TMEM232: variants seen among roughly 807,000 people sequenced by gnomAD.
TMEM232 encodes transmembrane protein 232.
TMEM232 carries 80 observed loss-of-function variants against 78.8 expected under a neutral mutation model. The observed-to-expected ratio is 1.01, with a 90% CI of 0.85 to 1.22. The LOEUF is 1.22. Ranked by LOEUF, TMEM232 falls within the 50% of genes most tolerant of loss-of-function variation. The pLI, the probability that TMEM232 is intolerant of heterozygous loss-of-function variation, is 0.00. For missense variants in TMEM232, 881 were observed against 742.2 expected (o/e 1.19, Z -2.17); for synonymous variants, 297 against 254.3 (o/e 1.17, Z -1.60).
At chr5:110,686,609 A>G (rs1009162409) in intron 1 of TMEM232, among the ~76,000 whole-genome samples, 2 of 152,156 alleles carry the variant, frequency 1.3e-5, no homozygotes, top group Admixed American at 1.3e-4. Flanking sequence ...ATAGATAACC[A>G]GAACCCTTAT....
chr5:110,409,079 A>G (rs1012024447), intron 2 of TMEM232, among the ~76,000 whole-genome samples: 7 of 152,218 alleles, frequency 4.6e-5, no homozygotes, highest in Admixed American at 4.6e-4. Context: ...AACATGTTAC[A>G]CAGCTTCATC....
intron 11 of TMEM232, 104 bp from the exon 12 acceptor site, chr5:110,528,939 A>C: frequency 4.8e-6 from 5 of 1,044,410 alleles, no homozygotes; most frequent in Non-Finnish European, 6.1e-6. Flanking sequence ...TTCTTTGACT[A>C]ATATTGCATT....
At position 110,502,345 on chromosome 5, in the gene TMEM232, C is replaced by T. The variant is rs1470179663; in HGVS notation, c.1703+26243G>A. Among the ~76,000 whole-genome samples the T allele has an allele frequency of 3.3e-5, 5 of 152,184 alleles. No homozygotes were observed. The East Asian group carries it at 7.7e-4, about 23-fold the overall frequency. ...AAGATGCAAACTGAAATTTCAGTCA[C>T]CGAGTGGGAAGGACAAATTTTTCAG... is the stretch of plus-strand genomic sequence containing the variant. On this transcript the variant is annotated intron_variant, in intron 12 of 13. Coordinates refer to ENST00000455884, the MANE Select transcript of TMEM232 (RefSeq NM_001039763.4).
At chr5:110,707,574 G>A (rs1022321342) in intron 1 of TMEM232, among the ~76,000 whole-genome samples, 28 of 152,200 alleles carry the variant, frequency 1.8e-4, no homozygotes, top group Non-Finnish European at 1.0e-4. Context: ...AACTTGAAAG[G>A]TAGTCATGGA....
At position 110,667,937 on chromosome 5, in the gene TMEM232, C is replaced by T. The variant is rs940534323; in HGVS notation, c.-12-573G>A. ...GCCCAGAATGTTTTTCCTTTTGATT[C>T]ATATCTGAGTATATTCTATGAGTGT... On this transcript the variant is annotated intron_variant, in intron 1 of 13. Transcript: ENST00000455884. 3.2e-4 allele frequency among the ~76,000 whole-genome samples: 49 copies of T among 152,056 alleles called. 1 individual carries two copies. Among genetic ancestry groups the T allele is most frequent in the African/African-American group, 1.1e-3 (47 of 41,498 alleles).
intron 12 of TMEM232, among the ~76,000 whole-genome samples, chr5:110,485,370 G>A (rs746131926): frequency 2.6e-5 from 4 of 152,070 alleles, no homozygotes; most frequent in Admixed American, 2.6e-4. Context: ...TGAGTAAGTT[G>A]GTGATTTGTG....
At chr5:110,603,233 G>T (rs753059204) in intron 10 of TMEM232, among the ~76,000 whole-genome samples, 4 of 151,928 alleles carry the variant, frequency 2.6e-5, no homozygotes, top group Admixed American at 6.6e-5. Flanking sequence ...AACCACCACG[G>T]CACATGTATA....
intron 12 of TMEM232, among the ~76,000 whole-genome samples, chr5:110,449,796 T>C (rs568424284): frequency 2.2e-4 from 34 of 152,294 alleles, no homozygotes; most frequent in African/African-American, 7.7e-4. Context: ...TAGAATCTAA[T>C]GGCTTCTTCT....
At chr5:110,634,563 A>G (rs1431543408) in intron 5 of TMEM232, among the ~76,000 whole-genome samples, 2 of 152,150 alleles carry the variant, frequency 1.3e-5, no homozygotes, top group African/African-American at 4.8e-5. Context: ...CTATAAAAAT[A>G]CATGGAAATT....
At chr5:110,576,835 CA>C (rs1162020687) in intron 10 of TMEM232, among the ~76,000 whole-genome samples, 4 of 151,930 alleles carry the variant, frequency 2.6e-5, no homozygotes, top group African/African-American at 9.7e-5. Flanking sequence ...TAGCCACATG[CA>C]GGAGATTGAA....
At chr5:110,439,692 G>C (rs1452155327) in intron 12 of TMEM232, among the ~76,000 whole-genome samples, 1 of 151,974 alleles carries the variant, frequency 6.6e-6, no homozygotes, top group Non-Finnish European at 1.5e-5. Flanking sequence ...GACTGGCAAA[G>C]CAACTAAGAA....
intron 12 of TMEM232, among the ~76,000 whole-genome samples, chr5:110,516,395 C>A (rs868060519): frequency 6.6e-6 from 1 of 152,254 alleles, no homozygotes; most frequent in Non-Finnish European, 1.5e-5. Context: ...TGAGAAACCT[C>A]AGAAGTAACA....
chr5:110,545,105 T>C lies in TMEM232; in HGVS notation c.1456-16270A>G, dbSNP rs551665691. On this transcript the variant is annotated intron_variant, in intron 11 of 13. Coordinates refer to ENST00000455884, the MANE Select transcript of TMEM232 (RefSeq NM_001039763.4). ...TAAACAAAAAGCATATATTTTATAGTACAGTCTCTAGCACATGGAAGTGTT... is the reference window on the plus strand; with the variant it reads ...TAAACAAAAAGCATATATTTTATAGCACAGTCTCTAGCACATGGAAGTGTT... Among the ~76,000 whole-genome samples, 155 of 152,256 alleles carry C rather than the reference T, an allele frequency of 1.0e-3. No homozygotes were observed. In the Middle Eastern group the frequency reaches 0.031, roughly 30 times the overall value.
At chr5:110,575,851 G>C (rs1777517176) in intron 10 of TMEM232, among the ~76,000 whole-genome samples, 1 of 151,964 alleles carries the variant, frequency 6.6e-6, no homozygotes, top group South Asian at 2.1e-4. Flanking sequence ...TCTGACACAG[G>C]GTTATGTAGA....
chr5:110,469,714 C>G (rs1762464568), intron 12 of TMEM232, among the ~76,000 whole-genome samples: 1 of 152,156 alleles, frequency 6.6e-6, no homozygotes, highest in Non-Finnish European at 1.5e-5. Flanking sequence ...TGTCAATCCC[C>G]TCAGCCTGAG....
chr5:110,413,865 A>G (rs1756088634), intron 2 of TMEM232, among the ~76,000 whole-genome samples: 1 of 152,234 alleles, frequency 6.6e-6, no homozygotes, highest in Admixed American at 6.5e-5. Flanking sequence ...GGGAAAAAAG[A>G]CACTGTAAAT....
intron 12 of TMEM232, among the ~76,000 whole-genome samples, chr5:110,487,386 C>G (rs1254256247): frequency 6.6e-6 from 1 of 152,020 alleles, no homozygotes; most frequent in Non-Finnish European, 1.5e-5. Flanking sequence ...TTGTCTTGTT[C>G]CAGTTCTCAG....
At chr5:110,433,344 T>C (rs1185307458) in intron 12 of TMEM232, among the ~76,000 whole-genome samples, 1 of 151,688 alleles carries the variant, frequency 6.6e-6, no homozygotes, top group Non-Finnish European at 1.5e-5. Flanking sequence ...GCCATAGAAA[T>C]ACATTGAAAC....
At chr5:110,517,210 G>A (rs1262778104) in intron 12 of TMEM232, among the ~76,000 whole-genome samples, 1 of 152,168 alleles carries the variant, frequency 6.6e-6, no homozygotes, top group Non-Finnish European at 1.5e-5. Context: ...TTAGACCTGT[G>A]GGGTTTCAGC....
Sources: gnomAD v4.1 joint callset for allele counts (sites outside exome capture counted in the v4.1 genomes callset) on GRCh38, gnomAD v4.1.1 for gene constraint, MANE v1.5 for transcripts, NCBI Gene and HGNC (gene_info 2026-07-23, HGNC 2026-07-21) for gene names.